The following HEATR1 variants were observed in gnomAD, a reference collection of about 807,000 sequenced individuals.
The protein encoded by HEATR1 is HEAT repeat-containing protein 1.
HEATR1 carries 77 observed loss-of-function variants against 248.2 expected under a neutral mutation model. That is an observed-to-expected ratio of 0.31 (90% CI 0.26 to 0.37). The LOEUF (loss-of-function observed/expected upper bound fraction) is 0.37. HEATR1 is among the 10% of genes least tolerant of loss of function. HEATR1 has a pLI of 1.00. For synonymous variants in HEATR1, 897 were observed against 923.1 expected, an observed-to-expected ratio of 0.97 and a Z score of 0.51; for missense variants, 2,420 against 2,504.9, an observed-to-expected ratio of 0.97 and a Z score of 0.72.
intron 16 of HEATR1, 91 bp downstream of exon 16, chr1:236,585,729 T>C (rs369365796): frequency 1.4e-5 from 19 of 1,371,960 alleles, no homozygotes; most frequent in East Asian, 4.8e-5. Flanking sequence ...AAAGAAATTT[T>C]TTTTAAGAAA....
intron 31 of HEATR1, among the ~76,000 whole-genome samples, chr1:236,565,172 C>T (rs926028881): frequency 6.6e-6 from 1 of 152,182 alleles, no homozygotes; most frequent in Non-Finnish European, 1.5e-5. Flanking sequence ...AAGTTACTGC[C>T]TCGCCAAACA....
chr1:236,576,340 T>G lies in HEATR1; in HGVS notation c.2963A>C (p.Lys988Thr). 6.2e-7 allele frequency: 1 copy of G among 1,609,188 alleles called. No individual in the cohort carries two copies. Among genetic ancestry groups the G allele is most frequent in the Non-Finnish European group, 8.5e-7 (1 of 1,178,506 alleles). ...ATLFEELQREKKLKSHQKLSE... is the reference protein window; with the variant it reads ...ATLFEELQRETKLKSHQKLSE... The stretch of plus-strand genomic sequence containing the variant: ...CAACTTCTGATGAGATTTCAGTTTC[T>G]TTTCTCTCTGTAGTTCCTCAAATAA... Residue 988 changes from lysine (K) to threonine (T), a missense_variant, in exon 22 of 45, where the codon AAG becomes ACG. Physicochemically the swap from Lys to Thr is moderately conservative, Grantham distance 78. Transcript: ENST00000366582.
chr1:236,593,479 A>T lies in HEATR1; in HGVS notation c.1193+533T>A, dbSNP rs187741669. ...AAATGGCAAAGCTACATCCAGACTA[A>T]CCTCCAAAACTTACTATAGCCCTGG... On this transcript the variant is annotated intron_variant, in intron 9 of 44. Coordinates refer to ENST00000366582, the MANE Select transcript of HEATR1 (RefSeq NM_018072.6). Among the ~76,000 whole-genome samples, 624 of 151,510 alleles carry T rather than the reference A, an allele frequency of 4.1e-3. 3 individuals carry two copies. Among genetic ancestry groups the T allele is most frequent in the African/African-American group, 0.014 (596 of 41,246 alleles).
intron 39 of HEATR1, 73 bp downstream of exon 39, chr1:236,555,732 G>A (rs745911153): frequency 1.6e-4 from 264 of 1,604,114 alleles, no homozygotes; most frequent in Non-Finnish European, 2.1e-4. Flanking sequence ...ACTGTTACAC[G>A]GCTAGATTGT....
intron 24 of HEATR1, 43 bp downstream of exon 24, chr1:236,574,159 T>C (rs754323910): frequency 6.4e-7 from 1 of 1,556,102 alleles, no homozygotes; most frequent in Non-Finnish European, 8.7e-7. Flanking sequence ...TGGAAGAGAC[T>C]ATAAACATTA....
Position 236,554,886 on chromosome 1 carries a change from G to A in HEATR1, c.5924-134C>T, listed in dbSNP as rs761059093. 26 of 777,660 alleles carry A rather than the reference G, an allele frequency of 3.3e-5. 1 individual carries two copies. In the South Asian group the frequency reaches 4.5e-4, roughly 13 times the overall value. 48.2% of individuals were successfully genotyped at this position (777,660 alleles called of 1,614,324 possible). A position where few individuals can be genotyped will look rare whatever the true frequency, so the allele number is the denominator to read the frequency against. ...ATGATCTAGAAATCATAATCAGGACGAAGGCAGAACACAATGGATGGTCTC... is the reference window on the plus strand; with the variant it reads ...ATGATCTAGAAATCATAATCAGGACAAAGGCAGAACACAATGGATGGTCTC... On this transcript the variant is annotated intron_variant, in intron 41 of 44. Transcript: ENST00000366582.
chr1:236,587,263 T>C (rs1663918007), intron 14 of HEATR1, 139 bp downstream of exon 14: 3 of 396,766 alleles, frequency 7.6e-6, no homozygotes, highest in Non-Finnish European at 1.4e-5. Context: ...AAGAGAGTAT[T>C]ACAGTAAGAT....
chr1:236,579,928 A>T (rs1007994681), intron 20 of HEATR1, among the ~76,000 whole-genome samples: 4 of 95,838 alleles, frequency 4.2e-5, no homozygotes, highest in African/African-American at 1.1e-4. Flanking sequence ...TTTTGGAATT[A>T]AAAAAAAAAC....
intron 20 of HEATR1, among the ~76,000 whole-genome samples, chr1:236,578,366 AG>A (rs1334856300): frequency 6.6e-6 from 1 of 152,230 alleles, no homozygotes; most frequent in Non-Finnish European, 1.5e-5. Context: ...TCTGCCGGCT[AG>A]TACTTCTAGA....
At position 236,570,203 on chromosome 1, in the gene HEATR1, G is replaced by A. The variant is rs1222033975; in HGVS notation, c.3949-1079C>T. 4.6e-5 allele frequency among the ~76,000 whole-genome samples: 7 copies of A among 152,168 alleles called. No homozygotes were observed. In the East Asian group the frequency reaches 1.3e-3, roughly 29 times the overall value. On this transcript the variant is annotated intron_variant, in intron 28 of 44. Transcript: ENST00000366582. ...ACTCGGGAGGCGGAGGCAGGAGAAT[G>A]GCATGAACCCAAGAGGCAGAGCTTG...
At chr1:236,585,330 C>T (rs1006455) in intron 16 of HEATR1, 114 bp from the exon 17 acceptor site, 494,166 of 779,026 alleles carry the variant, frequency 0.63, 161,057 homozygotes, top group Non-Finnish European at 0.67. Context: ...AGATGACAAA[C>T]AGAAAGCCTT....
At chr1:236,581,155 C>T in intron 20 of HEATR1, 67 bp downstream of exon 20, 1 of 1,358,802 alleles carries the variant, frequency 7.4e-7, no homozygotes, top group Non-Finnish European at 1.0e-6. Context: ...TTCCAAACTA[C>T]ATAAACCATA....
At chr1:236,602,706 C>T (rs1664358522) in intron 3 of HEATR1, 1 of 160,818 alleles carries the variant, frequency 6.2e-6, no homozygotes, top group African/African-American at 2.4e-5. Flanking sequence ...GGGTGGATCA[C>T]CTGAGGTCAG....
intron 30 of HEATR1, 88 bp downstream of exon 30, chr1:236,566,558 T>C (rs748506177): frequency 5.4e-6 from 5 of 926,334 alleles, no homozygotes; most frequent in Non-Finnish European, 8.4e-6. Context: ...ACATTAGGCA[T>C]CATCAGCCCC....
rs377341119 is a variant in HEATR1 at position 236,582,731 on chromosome 1, T to C, written c.2562+5A>G. 5 of 1,614,028 alleles carry C rather than the reference T, an allele frequency of 3.1e-6. No homozygotes were observed. The highest frequency in any genetic ancestry group is 4.2e-6 in the Non-Finnish European group (5 of 1,179,990). On this transcript the variant is annotated splice_donor_5th_base_variant and intron_variant, in intron 19 of 44. Coordinates refer to ENST00000366582, the MANE Select transcript of HEATR1 (RefSeq NM_018072.6). ...GAGTACGCCTGAAAAGGAGGAGGCTTGTACCTTTATGAAAAGTTTCATCAG... is the reference window on the plus strand; with the variant it reads ...GAGTACGCCTGAAAAGGAGGAGGCTCGTACCTTTATGAAAAGTTTCATCAG...
intron 19 of HEATR1, among the ~76,000 whole-genome samples, chr1:236,581,821 A>C (rs1663753754): frequency 6.6e-6 from 1 of 152,232 alleles, no homozygotes. Flanking sequence ...TTTCCTGAGT[A>C]ACTTCACGTG....
At chr1:236,598,083 TA>T (rs577776333) in intron 4 of HEATR1, 104 bp from the exon 5 acceptor site, 357 of 624,552 alleles carry the variant, frequency 5.7e-4, no homozygotes, top group Non-Finnish European at 9.1e-4. Flanking sequence ...AATTCATAAA[TA>T]AAAAATATAA....
rs962861058 is a variant in HEATR1, at chr1:236,559,280, C to T, written c.4771-145G>A. The T allele has an allele frequency of 3.8e-5, 24 of 627,972 alleles. No individual in the cohort carries two copies. The African/African-American group carries it at 4.1e-4, about 11-fold the overall frequency. The allele number at this position is 627,972 out of a possible 1,614,324, so 38.9% of individuals were successfully genotyped here. On this transcript the variant is annotated intron_variant, in intron 34 of 44. Transcript: ENST00000366582. ...TTTTCTTATTTAATTCTTAAAATAA[C>T]CTTTCAGGTAGGCATTACCAACCAC... is the stretch of plus-strand genomic sequence containing the variant.
rs1558184853 is a variant in HEATR1, at chr1:236,576,350, G to GTT, written c.2952_2953insAA (p.Gln985AsnfsTer7). ...TGAGATTTCAGTTTCTTTTCTCTCT[G>GTT]TAGTTCCTCAAATAAAGTAGCCAAA... On this transcript the variant is annotated frameshift_variant, in exon 22 of 45. Coordinates refer to ENST00000366582, the MANE Select transcript of HEATR1 (RefSeq NM_018072.6). LOFTEE classifies it high-confidence loss of function. The GTT allele has an allele frequency of 6.3e-7, 1 of 1,596,252 alleles. No homozygotes were observed. Among genetic ancestry groups the GTT allele is most frequent in the South Asian group, 1.1e-5 (1 of 87,000 alleles).
Sources: allele counts gnomAD v4.1 joint callset (sites outside exome capture counted in the v4.1 genomes callset), GRCh38; gene constraint gnomAD v4.1.1; transcripts MANE v1.5; gene names NCBI Gene and HGNC (gene_info 2026-07-23, HGNC 2026-07-21).